IGF2BP3: variants seen among roughly 807,000 people sequenced by gnomAD.
IGF2BP3 encodes the protein insulin-like growth factor 2 mRNA-binding protein 3.
A neutral mutation model predicts 73.8 loss-of-function variants in IGF2BP3; 9 were observed. That is an observed-to-expected ratio of 0.12 (90% CI 0.07 to 0.21). The LOEUF (loss-of-function observed/expected upper bound fraction) is 0.21. Among genes scored for constraint, IGF2BP3 ranks in the 10% least tolerant of loss-of-function variants. IGF2BP3 has a pLI of 1.00. For synonymous variants in IGF2BP3, 258 were observed against 256.7 expected (o/e 1.01, Z -0.05); for missense variants, 542 against 714.0 (o/e 0.76, Z 2.75).
intron 2 of IGF2BP3, among the ~76,000 whole-genome samples, chr7:23,419,125 G>C (rs763440986): frequency 5.9e-5 from 9 of 152,164 alleles, no homozygotes; most frequent in East Asian, 1.9e-4. Flanking sequence ...GTTCAAATCC[G>C]TTAGCTTCAA....
intron 3 of IGF2BP3, among the ~76,000 whole-genome samples, chr7:23,379,052 C>T (rs955683149): frequency 6.6e-6 from 1 of 152,188 alleles, no homozygotes; most frequent in Admixed American, 6.5e-5. Flanking sequence ...TGGAAGAAAG[C>T]GGACTAGTGG....
At chr7:23,413,392 A>T (rs985117549) in intron 3 of IGF2BP3, 1 of 151,936 alleles carries the variant, frequency 6.6e-6, no homozygotes, top group Non-Finnish European at 1.5e-5. Context: ...GAGGCAGGAG[A>T]ATTGCTTGAA....
intron 1 of IGF2BP3, 86 bp from the exon 2 acceptor site, chr7:23,468,628 A>G (rs1788627568): frequency 7.2e-7 from 1 of 1,391,574 alleles, no homozygotes; most frequent in Admixed American, 1.7e-5. Context: ...CGGCGACACA[A>G]ATGGCCTCCT....
In IGF2BP3 at chr7:23,469,969, T is replaced by A. The variant is rs1287008864; in HGVS notation, c.142A>T (p.Ser48Cys). Residue 48 changes from serine (S) to cysteine (C), a missense_variant, in exon 1 of 15, where the codon AGC (serine) becomes TGC (cysteine). By Grantham distance (112) the Ser-to-Cys change is moderately radical. Coordinates refer to ENST00000258729, the MANE Select transcript of IGF2BP3 (RefSeq NM_006547.3). The surrounding 1 kb of genome is among the most constrained non-coding windows in gnomAD (Gnocchi z 6.1). ...GCCTCGATGGCCTTGAGGGCCCAGC[T>A]CTCGTCCGGGCAGTCCACGAACGCG... ...GYAFVDCPDE[S>C]WALKAIEALS... 6 of 1,611,716 alleles carry A rather than the reference T, an allele frequency of 3.7e-6. No homozygotes were observed. Among genetic ancestry groups the A allele is most frequent in the Non-Finnish European group, 5.1e-6 (6 of 1,179,484 alleles).
At chr7:23,448,245 T>C (rs1788110334) in intron 2 of IGF2BP3, among the ~76,000 whole-genome samples, 1 of 152,160 alleles carries the variant, frequency 6.6e-6, no homozygotes, top group Admixed American at 6.6e-5. Context: ...AGGAAACAAA[T>C]GCTATTCATT....
chr7:23,417,323 C>T (rs1479688516), intron 3 of IGF2BP3, among the ~76,000 whole-genome samples: 2 of 152,158 alleles, frequency 1.3e-5, no homozygotes, highest in African/African-American at 2.4e-5. Flanking sequence ...CTTTATCTTG[C>T]GTGCCCATAT....
chr7:23,455,460 C>G (rs1164565089), intron 2 of IGF2BP3, among the ~76,000 whole-genome samples: 1 of 152,236 alleles, frequency 6.6e-6, no homozygotes, highest in African/African-American at 2.4e-5. Context: ...TGGTAACAAC[C>G]AGGCTAAGCC....
At chr7:23,468,723 C>T (rs1376109869) in intron 1 of IGF2BP3, among the ~76,000 whole-genome samples, 181 bp from the exon 2 acceptor site, 24 of 152,248 alleles carry the variant, frequency 1.6e-4, no homozygotes, top group Admixed American at 1.5e-3. Context: ...GGGCATTTAA[C>T]TCGCAGATGG....
chr7:23,428,850 G>A (rs1206228075), intron 2 of IGF2BP3, among the ~76,000 whole-genome samples: 7 of 151,694 alleles, frequency 4.6e-5, no homozygotes, highest in Non-Finnish European at 1.0e-4. Context: ...TATTAATTCA[G>A]AGTCATACAT....
intron 2 of IGF2BP3, among the ~76,000 whole-genome samples, chr7:23,457,264 G>A (rs1034372391): frequency 1.3e-5 from 2 of 151,998 alleles, no homozygotes; most frequent in Non-Finnish European, 2.9e-5. Flanking sequence ...GGAGTTCAGA[G>A]ACCAGCCTGG....
chr7:23,315,399 C>T (rs376324596), intron 12 of IGF2BP3, among the ~76,000 whole-genome samples: 1 of 152,276 alleles, frequency 6.6e-6, no homozygotes, highest in East Asian at 1.9e-4. Context: ...TGGGCCACCG[C>T]GCCTGGCCAA....
In IGF2BP3 at chr7:23,407,577, C is replaced by T. The variant is rs374602435; in HGVS notation, c.285+11199G>A. On this transcript the variant is annotated intron_variant, in intron 3 of 14. Coordinates refer to ENST00000258729, the MANE Select transcript of IGF2BP3 (RefSeq NM_006547.3). Reference sequence around the variant, plus strand: ...GAGCCAAGATTGGGCCATCGCACTCCGGCCTGGGCAACAAAAGCAAAACTC... The same window carrying T: ...GAGCCAAGATTGGGCCATCGCACTCTGGCCTGGGCAACAAAAGCAAAACTC... 2.2e-4 allele frequency among the ~76,000 whole-genome samples: 32 copies of T among 146,230 alleles called. No individual in the cohort carries two copies. In the East Asian group the frequency reaches 4.3e-3, roughly 20 times the overall value.
chr7:23,446,092 A>G (rs1392623028), intron 2 of IGF2BP3, among the ~76,000 whole-genome samples: 1 of 152,200 alleles, frequency 6.6e-6, no homozygotes. Context: ...GTGCTGAATC[A>G]TTGCCTTCAG....
At chr7:23,328,645 A>T (rs1329017774) in intron 10 of IGF2BP3, among the ~76,000 whole-genome samples, 1 of 152,272 alleles carries the variant, frequency 6.6e-6, no homozygotes, top group Non-Finnish European at 1.5e-5. Flanking sequence ...ATTAAAGTAC[A>T]ACAATGTGCT....
chr7:23,427,093 T>A (rs2128539933), intron 2 of IGF2BP3, among the ~76,000 whole-genome samples: 1 of 152,344 alleles, frequency 6.6e-6, no homozygotes, highest in African/African-American at 2.4e-5. Context: ...TCTCGCTTCT[T>A]TCCACCCAAA....
intron 2 of IGF2BP3, among the ~76,000 whole-genome samples, chr7:23,423,034 C>T (rs188995802): frequency 6.6e-6 from 1 of 152,342 alleles, no homozygotes; most frequent in East Asian, 1.9e-4. Flanking sequence ...CTCAGCCTCC[C>T]GAAGTGCTGG....
chr7:23,423,053 G>A (rs778006759), intron 2 of IGF2BP3, among the ~76,000 whole-genome samples: 1 of 152,234 alleles, frequency 6.6e-6, no homozygotes, highest in Non-Finnish European at 1.5e-5. Flanking sequence ...GGGATTGCAG[G>A]CGTGAGCCGC....
At position 23,470,120 on chromosome 7, in the gene IGF2BP3, T is replaced by C; in HGVS notation, c.-10A>G. The C allele has an allele frequency of 6.3e-7, 1 of 1,578,336 alleles. No individual in the cohort carries two copies. The highest frequency in any genetic ancestry group is 1.4e-5 in the African/African-American group (1 of 72,838). ...TATACAGTTTGTTCATTGTGAAGAGTGGTTGTTTAAAAAAAAATAACGAGA... is the reference window on the plus strand; with the variant it reads ...TATACAGTTTGTTCATTGTGAAGAGCGGTTGTTTAAAAAAAAATAACGAGA... On this transcript the variant is annotated 5_prime_UTR_variant, in exon 1 of 15. Coordinates refer to ENST00000258729, the MANE Select transcript of IGF2BP3 (RefSeq NM_006547.3).
At position 23,351,265 on chromosome 7, in the gene IGF2BP3, G is replaced by C; in HGVS notation, c.683+40C>G. On this transcript the variant is annotated intron_variant, in intron 6 of 14. Coordinates refer to ENST00000258729, the MANE Select transcript of IGF2BP3 (RefSeq NM_006547.3). The stretch of plus-strand genomic sequence containing the variant: ...CACACTGTTACTAAGATTCCAAGGG[G>C]AATTCTCATGAACACCCACCACACA... The C allele has an allele frequency of 8.1e-6, 13 of 1,605,490 alleles. 1 individual carries two copies. The African/African-American group carries it at 9.4e-5, about 12-fold the overall frequency.
Sources: gnomAD v4.1 joint callset for allele counts (sites outside exome capture counted in the v4.1 genomes callset) on GRCh38, gnomAD v4.1.1 for gene constraint, Gnocchi (gnomAD v3.1) non-coding constraint, MANE v1.5 for transcripts, NCBI Gene and HGNC (gene_info 2026-07-23, HGNC 2026-07-21) for gene names.